JPT1: variants seen among roughly 807,000 people sequenced by gnomAD.
JPT1 encodes androgen-regulated protein 2.
In JPT1, 5 loss-of-function variants were observed where a neutral mutation model predicts 17.0. The observed-to-expected ratio is 0.29, with a 90% CI of 0.15 to 0.62. The LOEUF is 0.62. JPT1 is among the 20% of genes least tolerant of loss of function. The pLI, the probability that JPT1 is intolerant of heterozygous loss-of-function variation, is 0.85. For missense variants in JPT1, 158 were observed against 188.1 expected (o/e 0.84, Z 0.94); for synonymous variants, 71 against 73.6 (o/e 0.96, Z 0.18).
At chr17:75,139,589 G>A (rs1020060294) in intron 4 of JPT1, among the ~76,000 whole-genome samples, 4 of 152,120 alleles carry the variant, frequency 2.6e-5, no homozygotes, top group Admixed American at 6.5e-5. Context: ...GGGAGGCCAA[G>A]GCAGCTGAAT....
At chr17:75,142,817 A>G (rs1313256592) in intron 4 of JPT1, 1 of 455,844 alleles carries the variant, frequency 2.2e-6, no homozygotes, top group Admixed American at 2.4e-5. Context: ...TAATTAATAC[A>G]TACATCTTCG....
intron 4 of JPT1, chr17:75,142,625 G>GGGAGGGGAGGGGGGAGAGA: frequency 9.2e-6 from 1 of 108,538 alleles, no homozygotes; most frequent in Non-Finnish European, 1.6e-5. Context: ...GAGGAGGGGA[G>GGGAGGGGAGGGGGGAGAGA]GGAGGGGAGG....
At chr17:75,136,421 T>C (rs1160134912) in intron 4 of JPT1, 171 bp from the exon 5 acceptor site, 1 of 577,234 alleles carries the variant, frequency 1.7e-6, no homozygotes, top group African/African-American at 1.9e-5. Context: ...TTAACCATTG[T>C]TCATCTTTTC....
intron 4 of JPT1, among the ~76,000 whole-genome samples, chr17:75,137,221 C>T (rs868330182): frequency 2.6e-5 from 4 of 152,122 alleles, no homozygotes; most frequent in East Asian, 1.9e-4. Flanking sequence ...GTTTCTAAAC[C>T]GGGAAAAAAC....
At chr17:75,148,755 T>A in intron 1 of JPT1, 84 bp from the exon 2 acceptor site, 1 of 1,494,230 alleles carries the variant, frequency 6.7e-7, no homozygotes, top group Non-Finnish European at 9.1e-7. Flanking sequence ...TTCATTTCAC[T>A]TTCCTCACCC....
At chr17:75,138,727 T>C (rs1391630183) in intron 4 of JPT1, among the ~76,000 whole-genome samples, 1 of 152,120 alleles carries the variant, frequency 6.6e-6, no homozygotes, top group Non-Finnish European at 1.5e-5. Context: ...TCTTTAACAC[T>C]TACTCTCAAT....
In JPT1 at chr17:75,135,789, G is replaced by C. The variant is rs933928656; in HGVS notation, c.*313C>G. 1 of 525,752 alleles carries C rather than the reference G, an allele frequency of 1.9e-6. No individual in the cohort carries two copies. The highest frequency in any genetic ancestry group is 1.9e-5 in the African/African-American group (1 of 52,682). 32.6% of individuals were successfully genotyped at this position (525,752 alleles called of 1,614,324 possible). Reference sequence around the variant, plus strand: ...GAGGCTTGGTAAACCCAAGTAAAGTGTTAAAAACCTCAGTACAAAAGATCC... The same window carrying C: ...GAGGCTTGGTAAACCCAAGTAAAGTCTTAAAAACCTCAGTACAAAAGATCC... On this transcript the variant is annotated 3_prime_UTR_variant, in exon 5 of 5. Transcript: ENST00000409753.
intron 4 of JPT1, 61 bp from the exon 5 acceptor site, chr17:75,136,311 G>A: frequency 6.8e-7 from 1 of 1,472,190 alleles, no homozygotes; most frequent in Non-Finnish European, 9.1e-7. Flanking sequence ...TTAAGATCAA[G>A]GATCTGTTTC....
In JPT1 at chr17:75,149,049, A is replaced by G. The variant is rs111569211; in HGVS notation, c.57-378T>C. 2.7e-5 allele frequency: 34 copies of G among 1,281,532 alleles called. No individual in the cohort carries two copies. In the African/African-American group the frequency reaches 2.9e-4, roughly 11 times the overall value. The allele number at this position is 1,281,532 out of a possible 1,614,324, so 79.4% of individuals were successfully genotyped here. On this transcript the variant is annotated intron_variant, in intron 1 of 4. Transcript: ENST00000409753. Reference sequence around the variant, plus strand: ...AAGAAGTTTAGAAGTATTTCTTGTTATTATTCATTTAAAAATCATTTCCAG... The same window carrying G: ...AAGAAGTTTAGAAGTATTTCTTGTTGTTATTCATTTAAAAATCATTTCCAG...
At position 75,146,651 on chromosome 17, in the gene JPT1, T is replaced by C; in HGVS notation, c.316+15A>G. ...CATGGACAGAGCCAGAAATTTGGTC[T>C]TCAGAAGTACTTACCATGAATATCA... On this transcript the variant is annotated intron_variant, in intron 4 of 4. Coordinates refer to ENST00000409753, the MANE Select transcript of JPT1 (RefSeq NM_016185.4). The C allele has an allele frequency of 2.6e-6, 4 of 1,534,456 alleles. No individual in the cohort carries two copies. Among genetic ancestry groups the C allele is most frequent in the Non-Finnish European group, 3.5e-6 (4 of 1,129,678 alleles).
chr17:75,150,913 GTGCGATCTCGGCTCAC>G (rs2074539980), intron 1 of JPT1, among the ~76,000 whole-genome samples: 1 of 136,910 alleles, frequency 7.3e-6, no homozygotes, highest in African/African-American at 2.6e-5. Flanking sequence ...GACTGCAATG[GTGCGATCTCGGCTCAC>G]TGCAAGCTCC....
chr17:75,146,284 G>T (rs1223737395), intron 4 of JPT1, among the ~76,000 whole-genome samples: 4 of 152,128 alleles, frequency 2.6e-5, no homozygotes, highest in Admixed American at 2.6e-4. Context: ...CTCCCGAGTA[G>T]CTGGACTACA....
chr17:75,139,238 C>G (rs1598189006), intron 4 of JPT1, among the ~76,000 whole-genome samples: 1 of 152,278 alleles, frequency 6.6e-6, no homozygotes, highest in Non-Finnish European at 1.5e-5. Flanking sequence ...GGGACATGGC[C>G]TCCTGCTATA....
At position 75,146,274 on chromosome 17, in the gene JPT1, C is replaced by T. The variant is rs578029452; in HGVS notation, c.316+392G>A. The stretch of plus-strand genomic sequence containing the variant: ...GCTCAAGCAATCCTCCCACCTGAGC[C>T]TCCCGAGTAGCTGGACTACAGGCAT... On this transcript the variant is annotated intron_variant, in intron 4 of 4. Coordinates refer to ENST00000409753, the MANE Select transcript of JPT1 (RefSeq NM_016185.4). 2.6e-5 allele frequency among the ~76,000 whole-genome samples: 4 copies of T among 152,288 alleles called. No homozygotes were observed. The South Asian group carries it at 6.2e-4, about 24-fold the overall frequency.
chr17:75,137,772 C>T (rs995106989), intron 4 of JPT1, among the ~76,000 whole-genome samples: 1 of 148,892 alleles, frequency 6.7e-6, no homozygotes, highest in East Asian at 2.0e-4. Flanking sequence ...CTCAGCCTCC[C>T]GAGTAGCTGG....
At chr17:75,150,992 T>C (rs2074541994) in intron 1 of JPT1, among the ~76,000 whole-genome samples, 1 of 151,538 alleles carries the variant, frequency 6.6e-6, no homozygotes, top group Non-Finnish European at 1.5e-5. Context: ...AAGCTGGGAC[T>C]ACAGGCGCCC....
chr17:75,144,408 A>C (rs2074384793), intron 4 of JPT1, among the ~76,000 whole-genome samples: 2 of 152,138 alleles, frequency 1.3e-5, no homozygotes, highest in South Asian at 4.1e-4. Context: ...GCTACTCAGG[A>C]GGCTGAGGCA....
chr17:75,154,412 A>G lies in JPT1; in HGVS notation c.-15T>C. On this transcript the variant is annotated 5_prime_UTR_variant, in exon 1 of 5. Transcript: ENST00000409753. ...GTTGTGGTCATGGCGCCGAGGAGCG[A>G]GGTAGGCTGGCGCCGGAGCAGAACG... 1 of 1,547,750 alleles carries G rather than the reference A, an allele frequency of 6.5e-7. No individual in the cohort carries two copies. The highest frequency in any genetic ancestry group is 8.7e-7 in the Non-Finnish European group (1 of 1,145,562).
At position 75,154,206 on chromosome 17, in the gene JPT1, G is replaced by C. The variant is rs555822087; in HGVS notation, c.56+136C>G. 1,657 of 553,770 alleles carry C rather than the reference G, an allele frequency of 3.0e-3. 5 individuals carry two copies. The highest frequency in any genetic ancestry group is 3.9e-3 in the Non-Finnish European group (1,505 of 386,570). The allele number at this position is 553,770 out of a possible 1,614,324, so 34.3% of individuals were successfully genotyped here. On this transcript the variant is annotated intron_variant, in intron 1 of 4. Transcript: ENST00000409753. ...CGGCACAAAGGCGGCGCCGACGGCA[G>C]AACCCCGCCACCCGCCCCGGCGCGA...
Sources: gnomAD v4.1 joint callset for allele counts (sites outside exome capture counted in the v4.1 genomes callset) on GRCh38, gnomAD v4.1.1 for gene constraint, MANE v1.5 for transcripts, NCBI Gene and HGNC (gene_info 2026-07-23, HGNC 2026-07-21) for gene names.